The following SLC2A9 variants were observed in gnomAD, a reference collection of about 807,000 sequenced individuals.
SLC2A9 encodes solute carrier family 2 member 9.
In SLC2A9, 39 loss-of-function variants were observed where a neutral mutation model predicts 50.6. That is an observed-to-expected ratio of 0.77 (90% CI 0.60 to 1.01). The LOEUF is 1.01. SLC2A9 is among the 50% of genes least tolerant of loss of function. The pLI, the probability that SLC2A9 is intolerant of heterozygous loss-of-function variation, is 0.00. For synonymous variants in SLC2A9, 324 were observed against 276.9 expected, an observed-to-expected ratio of 1.17 and a Z score of -1.69; for missense variants, 686 against 677.6, an observed-to-expected ratio of 1.01 and a Z score of -0.14.
At chr4:9,910,638 G>A (rs528378110) in intron 7 of SLC2A9, among the ~76,000 whole-genome samples, 2 of 152,302 alleles carry the variant, frequency 1.3e-5, no homozygotes, top group South Asian at 2.1e-4. Context: ...ATGGTCCTGA[G>A]GCTCCCAGCC....
downstream of SLC2A9, among the ~76,000 whole-genome samples, chr4:9,775,117 G>C (rs1717378975): frequency 6.6e-6 from 1 of 152,188 alleles, no homozygotes; most frequent in Non-Finnish European, 1.5e-5. Context: ...AGGACAGACT[G>C]GTCTGGAATG....
chr4:9,982,160 G>A (rs1031712345), intron 4 of SLC2A9, among the ~76,000 whole-genome samples: 1 of 152,196 alleles, frequency 6.6e-6, no homozygotes. Context: ...GATTACAGGC[G>A]TGAGCCACTG....
chr4:10,007,976 C>T (rs1219933250), intron 2 of SLC2A9, among the ~76,000 whole-genome samples: 3 of 152,166 alleles, frequency 2.0e-5, no homozygotes, highest in African/African-American at 7.2e-5. Flanking sequence ...AGGGTCTTCC[C>T]CTATGGGTCA....
chr4:9,833,781 T>C (rs757806557), intron 11 of SLC2A9, among the ~76,000 whole-genome samples: 1 of 152,088 alleles, frequency 6.6e-6, no homozygotes, highest in Non-Finnish European at 1.5e-5. Context: ...GAAGACAGGA[T>C]TGAAATAGCT....
At chr4:9,880,533 G>T in intron 10 of SLC2A9, 1 of 985,298 alleles carries the variant, frequency 1.0e-6, no homozygotes, top group Non-Finnish European at 1.2e-6. Flanking sequence ...AAAAAGTCTT[G>T]GGAGGGCTTA....
intron 6 of SLC2A9, among the ~76,000 whole-genome samples, chr4:9,930,676 C>G (rs762938507): frequency 2.0e-5 from 3 of 152,124 alleles, no homozygotes; most frequent in Non-Finnish European, 2.9e-5. Flanking sequence ...AAAGAGTTTC[C>G]CAAGAGGAGA....
At chr4:9,790,567 GC>G (rs913331533) in intron 3 of SLC2A9, among the ~76,000 whole-genome samples, 7 of 152,178 alleles carry the variant, frequency 4.6e-5, no homozygotes, top group African/African-American at 1.4e-4. Context: ...ACATGGAGGG[GC>G]CTGGTTAATA....
intron 2 of SLC2A9, among the ~76,000 whole-genome samples, chr4:10,009,027 T>G (rs1012745302): frequency 5.9e-5 from 9 of 151,496 alleles, no homozygotes; most frequent in Non-Finnish European, 1.2e-4. Context: ...GATTCAGAGA[T>G]ACCCATTTCA....
At chr4:10,037,754 G>T (rs2109599804) in intron 1 of SLC2A9, among the ~76,000 whole-genome samples, 1 of 152,204 alleles carries the variant, frequency 6.6e-6, no homozygotes, top group African/African-American at 2.4e-5. Flanking sequence ...TTCAAGACCA[G>T]CCTGAGCGAC....
downstream of SLC2A9, chr4:9,779,738 A>ATCTCTCTC (rs55984839): frequency 8.2e-5 from 12 of 147,030 alleles, no homozygotes; most frequent in African/African-American, 2.3e-4. Context: ...TTAGAATAGC[A>ATCTCTCTC]TCTCTCTCTC....
chr4:10,007,488 T>A lies in SLC2A9; in HGVS notation c.250-10547A>T, dbSNP rs987416208. Among the ~76,000 whole-genome samples the A allele has an allele frequency of 1.6e-4, 24 of 152,238 alleles. 1 individual carries two copies. The highest frequency in any genetic ancestry group is 1.5e-5 in the Non-Finnish European group (1 of 68,038). ...CTCCTGGGTTTCCCCTCAGCCACCT[T>A]TGCAGTGAGGGGGCAGCCAAATGCT... On this transcript the variant is annotated intron_variant, in intron 2 of 11. Transcript: ENST00000264784.
At position 9,879,380 on chromosome 4, in the gene SLC2A9, G is replaced by A. The variant is rs908460969; in HGVS notation, c.1291+8187C>T. On this transcript the variant is annotated intron_variant, in intron 10 of 11. Coordinates refer to ENST00000264784, the MANE Select transcript of SLC2A9 (RefSeq NM_020041.3). Reference sequence around the variant, plus strand: ...TGTGTGTGTGTGTGTATTTATGTGTGTATGTGTGTGTGTGTGTGTGTTTGT... The same window carrying A: ...TGTGTGTGTGTGTGTATTTATGTGTATATGTGTGTGTGTGTGTGTGTTTGT... The A allele has an allele frequency of 4.6e-5, 45 of 974,702 alleles. No individual in the cohort carries two copies. The Middle Eastern group carries it at 1.6e-3, about 34-fold the overall frequency. 60.4% of individuals were successfully genotyped at this position (974,702 alleles called of 1,614,324 possible). A position where few individuals can be genotyped will look rare whatever the true frequency, so the allele number is the denominator to read the frequency against.
intron 10 of SLC2A9, chr4:9,880,451 G>C: frequency 1.0e-6 from 1 of 985,258 alleles, no homozygotes; most frequent in Non-Finnish European, 1.2e-6. Flanking sequence ...TAAAGCCCTG[G>C]AAATGCAGCA....
Position 9,781,216 on chromosome 4 carries a change from C to A in SLC2A9, n.386-1151G>T, listed in dbSNP as rs189214211. On this transcript the variant is annotated intron_variant and non_coding_transcript_variant, in intron 3 of 3. Transcript: ENST00000503803. ...CACGCTGTGGAGAAGGAAACCAAGGCCGGGTAAAGTTATGTAGGGCCCTTA... is the reference window on the plus strand; with the variant it reads ...CACGCTGTGGAGAAGGAAACCAAGGACGGGTAAAGTTATGTAGGGCCCTTA... Among the ~76,000 whole-genome samples the A allele has an allele frequency of 5.6e-4, 85 of 152,318 alleles. 2 individuals carry two copies. In the Middle Eastern group the frequency reaches 0.041, roughly 73 times the overall value.
chr4:9,932,995 A>C (rs1270434160), intron 6 of SLC2A9, among the ~76,000 whole-genome samples: 1 of 152,208 alleles, frequency 6.6e-6, no homozygotes, highest in Non-Finnish European at 1.5e-5. Context: ...ATCTGTGCCA[A>C]GAACATCAGC....
chr4:9,875,139 G>C lies in SLC2A9; in HGVS notation c.1291+12428C>G, dbSNP rs866537831. On this transcript the variant is annotated intron_variant, in intron 10 of 11. Coordinates refer to ENST00000264784, the MANE Select transcript of SLC2A9 (RefSeq NM_020041.3). Reference sequence around the variant, plus strand: ...TGTCTTTAGAAATGGCCATAGGTTAGTGTCTAAGATGGGATGCTGTGTCTT... The same window carrying C: ...TGTCTTTAGAAATGGCCATAGGTTACTGTCTAAGATGGGATGCTGTGTCTT... Among the ~76,000 whole-genome samples the C allele has an allele frequency of 1.4e-3, 40 of 28,234 alleles. 2 individuals carry two copies. Among genetic ancestry groups the C allele is most frequent in the African/African-American group, 1.9e-3 (12 of 6,206 alleles). The allele number at this position is 28,234 out of a possible 152,430, so 18.5% of individuals were successfully genotyped here. A position where few individuals can be genotyped will look rare whatever the true frequency, so the allele number is the denominator to read the frequency against.
At chr4:9,861,875 T>A (rs1304578556) in intron 10 of SLC2A9, among the ~76,000 whole-genome samples, 2 of 152,202 alleles carry the variant, frequency 1.3e-5, no homozygotes, top group African/African-American at 4.8e-5. Context: ...CACATTTTGA[T>A]CAAATCCTTC....
intron 5 of SLC2A9, among the ~76,000 whole-genome samples, chr4:9,956,385 C>T (rs1560382493): frequency 6.6e-6 from 1 of 151,928 alleles, no homozygotes; most frequent in African/African-American, 2.4e-5. Flanking sequence ...GAGGCTGAGG[C>T]AGGAGAATGG....
At chr4:9,869,087 T>C (rs1194444038) in intron 10 of SLC2A9, among the ~76,000 whole-genome samples, 2 of 152,210 alleles carry the variant, frequency 1.3e-5, no homozygotes, top group East Asian at 1.9e-4. Context: ...TTCTATGTAT[T>C]GACAGAGCCT....
Sources: gnomAD v4.1 joint callset for allele counts (sites outside exome capture counted in the v4.1 genomes callset) on GRCh38, gnomAD v4.1.1 for gene constraint, MANE v1.5 for transcripts, NCBI Gene and HGNC (gene_info 2026-07-23, HGNC 2026-07-21) for gene names.